Variants in BRWD1 observed in about 807,000 individuals in gnomAD.
The protein encoded by BRWD1 is bromodomain and WD repeat-containing protein 1.
A neutral mutation model predicts 251.2 loss-of-function variants in BRWD1; 82 were observed. The observed-to-expected ratio is 0.33, with a 90% CI of 0.27 to 0.39. The LOEUF (loss-of-function observed/expected upper bound fraction) is 0.39, where lower values mean the gene tolerates loss of function less well. Ranked by LOEUF, BRWD1 falls within the 10% of genes least tolerant of loss-of-function variation. The pLI is 1.00. For missense variants in BRWD1, 2,233 were observed against 2,711.6 expected (o/e 0.82, Z 3.92); for synonymous variants, 918 against 902.8 (o/e 1.02, Z -0.30).
chr21:39,266,061 T>C lies in BRWD1; in HGVS notation c.1531-1042A>G, dbSNP rs58016015. Reference sequence around the variant, plus strand: ...CACCTTTAACTTTCCAGTAACTAAATGTTACGCGTTCGGTGTTGGAGAAAT... The same window carrying C: ...CACCTTTAACTTTCCAGTAACTAAACGTTACGCGTTCGGTGTTGGAGAAAT... On this transcript the variant is annotated intron_variant, in intron 15 of 40. Transcript: ENST00000342449. Among the ~76,000 whole-genome samples, 224 of 152,282 alleles carry C rather than the reference T, an allele frequency of 1.5e-3. 1 individual carries two copies. The highest frequency in any genetic ancestry group is 5.1e-3 in the African/African-American group (211 of 41,548).
chr21:39,269,240 CAAAA>C (rs1044232633), intron 15 of BRWD1, among the ~76,000 whole-genome samples: 1 of 133,314 alleles, frequency 7.5e-6, no homozygotes, highest in African/African-American at 2.8e-5. Context: ...TATACATATG[CAAAA>C]AAAAAAATTT....
intron 21 of BRWD1, among the ~76,000 whole-genome samples, chr21:39,239,247 G>T (rs1306874686): frequency 6.6e-6 from 1 of 151,858 alleles, no homozygotes; most frequent in African/African-American, 2.4e-5. Context: ...TATCTAAAAA[G>T]GTCAATGCCA....
At position 39,283,190 on chromosome 21, in the gene BRWD1, C is replaced by T. The variant is rs75696308; in HGVS notation, c.832-2942G>A. Among the ~76,000 whole-genome samples, 291 of 151,976 alleles carry T rather than the reference C, an allele frequency of 1.9e-3. 2 individuals are homozygous for T. Among genetic ancestry groups the T allele is most frequent in the African/African-American group, 6.8e-3 (279 of 41,286 alleles). On this transcript the variant is annotated intron_variant, in intron 8 of 40. Transcript: ENST00000342449. ...AATTCTTTGCTCTTCTTTCGCTGTC[C>T]GTGCTTATATAATTCTCTTTTAAAT... is the stretch of plus-strand genomic sequence containing the variant.
intron 31 of BRWD1, chr21:39,217,074 TATATATATA>T (rs2032970129): frequency 2.2e-3 from 24 of 10,784 alleles, no homozygotes; most frequent in South Asian, 0.014. Flanking sequence ...TATATATATA[TATATATATA>T]TTTTTTTTTT....
At chr21:39,256,546 A>C (rs887810018) in intron 18 of BRWD1, among the ~76,000 whole-genome samples, 3 of 152,102 alleles carry the variant, frequency 2.0e-5, no homozygotes, top group Non-Finnish European at 2.9e-5. Flanking sequence ...TCTGAGCCTG[A>C]GGGGCTGCTG....
chr21:39,255,197 G>C (rs912833378), intron 19 of BRWD1, among the ~76,000 whole-genome samples: 15 of 152,102 alleles, frequency 9.9e-5, no homozygotes, highest in African/African-American at 3.6e-4. Context: ...GAGCGCCTGA[G>C]GTCAGGAGTT....
chr21:39,314,151 A>C (rs987695996), upstream of BRWD1: 23 of 455,856 alleles, frequency 5.0e-5, no homozygotes, highest in Non-Finnish European at 1.0e-4. Flanking sequence ...CTTCGAGGAC[A>C]GGAAAGCTTT....
intron 8 of BRWD1, among the ~76,000 whole-genome samples, chr21:39,292,165 G>C (rs560115396): frequency 7.1e-6 from 1 of 140,196 alleles, no homozygotes; most frequent in African/African-American, 2.6e-5. Context: ...TGCCCAGGCC[G>C]GGTCTCAAAC....
intron 17 of BRWD1, among the ~76,000 whole-genome samples, chr21:39,260,677 C>A (rs76105053): frequency 3.9e-5 from 6 of 152,112 alleles, no homozygotes; most frequent in Non-Finnish European, 5.9e-5. Context: ...ACTGTGATCC[C>A]TGAGAGAAGG....
chr21:39,313,351 C>T (rs2036581615), intron 1 of BRWD1, 52 bp from the exon 2 acceptor site: 2 of 1,446,510 alleles, frequency 1.4e-6, no homozygotes, highest in Non-Finnish European at 1.9e-6. Flanking sequence ...GGGAGGGGGA[C>T]GGGGCCAGGG....
chr21:39,298,233 C>T lies in BRWD1; in HGVS notation c.349+199G>A, dbSNP rs1035468942. On this transcript the variant is annotated intron_variant, in intron 5 of 40. Coordinates refer to ENST00000342449, the MANE Select transcript of BRWD1 (RefSeq NM_033656.4). ...AGCTTAACATCTATATCTTTATCAA[C>T]TTTTTAATGCAGAAGGACCCATTAA... 7 of 1,223,986 alleles carry T rather than the reference C, an allele frequency of 5.7e-6. No homozygotes were observed. In the African/African-American group the frequency reaches 1.1e-4, roughly 19 times the overall value. 75.8% of individuals were successfully genotyped at this position (1,223,986 alleles called of 1,614,324 possible).
intron 15 of BRWD1, among the ~76,000 whole-genome samples, chr21:39,265,430 G>A (rs1276250861): frequency 1.3e-5 from 2 of 152,042 alleles, no homozygotes; most frequent in Non-Finnish European, 2.9e-5. Flanking sequence ...GTGAGACTCT[G>A]TAAAATAAAA....
rs1480572321 is a variant in BRWD1 at position 39,194,971 on chromosome 21, C to T, written c.*1288G>A. On this transcript the variant is annotated 3_prime_UTR_variant, in exon 41 of 41. Coordinates refer to ENST00000342449, the MANE Select transcript of BRWD1 (RefSeq NM_033656.4). ...AAACCATTTGAATCAAGTCCATCTT[C>T]AGGCACAAACAAGTTAGGAATGGCC... The T allele has an allele frequency of 2.8e-6, 4 of 1,435,370 alleles. No individual in the cohort carries two copies. Among genetic ancestry groups the T allele is most frequent in the South Asian group, 1.5e-5 (1 of 66,170 alleles). 88.9% of individuals were successfully genotyped at this position (1,435,370 alleles called of 1,614,324 possible). A position where few individuals can be genotyped will look rare whatever the true frequency, so the allele number is the denominator to read the frequency against.
At chr21:39,297,698 T>C (rs2035996382) in intron 5 of BRWD1, 1 of 287,830 alleles carries the variant, frequency 3.5e-6, no homozygotes, top group Admixed American at 6.5e-5. Context: ...AGTTAAGCTT[T>C]ATACTGGTGG....
upstream of BRWD1, chr21:39,314,532 T>A: frequency 2.8e-6 from 1 of 351,872 alleles, no homozygotes; most frequent in Non-Finnish European, 5.7e-6. Flanking sequence ...CTTGGAAGAC[T>A]AGTAGGATGT....
At chr21:39,292,631 A>AACTTAAC (rs1287815634) in intron 8 of BRWD1, among the ~76,000 whole-genome samples, 2 of 152,212 alleles carry the variant, frequency 1.3e-5, no homozygotes, top group African/African-American at 4.8e-5. Flanking sequence ...TCCAATAACC[A>AACTTAAC]ACTTAACAGA....
intron 8 of BRWD1, 40 bp from the exon 9 acceptor site, chr21:39,280,288 CTACTT>C: frequency 6.8e-7 from 1 of 1,470,842 alleles, no homozygotes; most frequent in Non-Finnish European, 9.4e-7. Flanking sequence ...TCCAGAACTT[CTACTT>C]AAGTTACAGT....
intron 28 of BRWD1, among the ~76,000 whole-genome samples, chr21:39,224,776 G>C (rs1036832023): frequency 7.2e-5 from 11 of 152,080 alleles, no homozygotes; most frequent in Non-Finnish European, 1.5e-5. Context: ...AGGCGTCAAA[G>C]GTTTCTTTGA....
chr21:39,264,290 T>G (rs2034848826), intron 17 of BRWD1, among the ~76,000 whole-genome samples, 170 bp downstream of exon 17: 3 of 151,762 alleles, frequency 2.0e-5, no homozygotes, highest in Admixed American at 1.3e-4. Context: ...AAATGGTACA[T>G]GAGGTCCAGA....
Sources: gnomAD v4.1 joint callset for allele counts (sites outside exome capture counted in the v4.1 genomes callset) on GRCh38, gnomAD v4.1.1 for gene constraint, MANE v1.5 for transcripts, NCBI Gene and HGNC (gene_info 2026-07-23, HGNC 2026-07-21) for gene names.